The following RAB3C variants were observed in gnomAD, a reference collection of about 807,000 sequenced individuals.
RAB3C encodes the protein RAB3C, member RAS oncogene family.
A neutral mutation model predicts 26.4 loss-of-function variants in RAB3C; 17 were observed. The observed-to-expected ratio is 0.64, with a 90% CI of 0.44 to 0.97. The LOEUF (loss-of-function observed/expected upper bound fraction) is 0.97, where lower values mean the gene tolerates loss of function less well. Ranked by LOEUF, RAB3C falls within the 50% of genes least tolerant of loss-of-function variation. The probability of loss-of-function intolerance (pLI) is 0.00; values close to 1 mark genes in which losing one functional copy is unlikely to be tolerated. For synonymous variants in RAB3C, 91 were observed against 95.9 expected (o/e 0.95, Z 0.30); for missense variants, 242 against 281.9 (o/e 0.86, Z 1.01).
At chr5:58,849,003 G>A (rs1010629631) in intron 4 of RAB3C, among the ~76,000 whole-genome samples, 1 of 152,176 alleles carries the variant, frequency 6.6e-6, no homozygotes. Flanking sequence ...CTGAGATCAT[G>A]TTGGCTTCTG....
At chr5:58,648,455 A>T (rs991365932) in intron 2 of RAB3C, among the ~76,000 whole-genome samples, 1 of 152,212 alleles carries the variant, frequency 6.6e-6, no homozygotes, top group African/African-American at 2.4e-5. Flanking sequence ...GAGCTTCTCA[A>T]TATAAATGGA....
intron 3 of RAB3C, among the ~76,000 whole-genome samples, chr5:58,760,950 T>C (rs1293735871): frequency 1.3e-5 from 2 of 152,164 alleles, no homozygotes. Context: ...CACTTAAACA[T>C]TTTAATTTCC....
At position 58,816,252 on chromosome 5, in the gene RAB3C, G is replaced by C. The variant is rs552086727; in HGVS notation, c.372-8786G>C. Among the ~76,000 whole-genome samples the C allele has an allele frequency of 5.9e-5, 9 of 152,214 alleles. No homozygotes were observed. The South Asian group carries it at 1.9e-3, about 32-fold the overall frequency. On this transcript the variant is annotated intron_variant, in intron 3 of 4. Coordinates refer to ENST00000282878, the MANE Select transcript of RAB3C (RefSeq NM_138453.4). ...AATACCCATAGCAAGAGGGTAAGTGGGCTGTGAAAGGCAAGACAGCCAATA... is the reference window on the plus strand; with the variant it reads ...AATACCCATAGCAAGAGGGTAAGTGCGCTGTGAAAGGCAAGACAGCCAATA...
chr5:58,731,980 G>C (rs1009429880), intron 3 of RAB3C, among the ~76,000 whole-genome samples: 2 of 152,164 alleles, frequency 1.3e-5, no homozygotes, highest in Non-Finnish European at 2.9e-5. Flanking sequence ...GTTAGCAGAA[G>C]GAATGAACAA....
At chr5:58,620,648 C>T (rs528359263) in intron 2 of RAB3C, among the ~76,000 whole-genome samples, 7 of 152,320 alleles carry the variant, frequency 4.6e-5, no homozygotes, top group Non-Finnish European at 5.9e-5. Flanking sequence ...CCTGAGAAAT[C>T]TGCATGTAGG....
chr5:58,793,318 G>T (rs188597592), intron 3 of RAB3C, among the ~76,000 whole-genome samples: 7 of 152,238 alleles, frequency 4.6e-5, no homozygotes, highest in Admixed American at 3.9e-4. Flanking sequence ...CAGCACTTTG[G>T]GGGGCCGAGG....
intron 3 of RAB3C, among the ~76,000 whole-genome samples, chr5:58,782,297 T>A (rs1166862376): frequency 6.6e-6 from 1 of 152,154 alleles, no homozygotes; most frequent in Non-Finnish European, 1.5e-5. Context: ...TACATGCTTG[T>A]GTGTTACATG....
chr5:58,801,550 G>A (rs1742808447), intron 3 of RAB3C, among the ~76,000 whole-genome samples: 1 of 152,148 alleles, frequency 6.6e-6, no homozygotes, highest in African/African-American at 2.4e-5. Flanking sequence ...CTTTATCATT[G>A]GACTACAGCA....
At chr5:58,729,965 TA>T (rs11357252) in intron 3 of RAB3C, among the ~76,000 whole-genome samples, 2,392 of 148,994 alleles carry the variant, frequency 0.016, 70 homozygotes, top group African/African-American at 0.056. Context: ...ATATTTTGAA[TA>T]GATGATCTAA....
intron 2 of RAB3C, among the ~76,000 whole-genome samples, chr5:58,688,810 A>T (rs576109343): frequency 6.6e-6 from 1 of 152,276 alleles, no homozygotes; most frequent in African/African-American, 2.4e-5. Flanking sequence ...CTACTTAGAA[A>T]ATCAGTAGAA....
intron 3 of RAB3C, among the ~76,000 whole-genome samples, chr5:58,771,494 A>T (rs1742029910): frequency 6.6e-6 from 1 of 152,156 alleles, no homozygotes; most frequent in Non-Finnish European, 1.5e-5. Context: ...TAGGTTGCTT[A>T]AAAAACTCAC....
intron 2 of RAB3C, among the ~76,000 whole-genome samples, chr5:58,683,782 A>G (rs1392922722): frequency 6.6e-6 from 1 of 151,960 alleles, no homozygotes; most frequent in African/African-American, 2.4e-5. Context: ...TGCATACACT[A>G]CCCTCCTGTT....
At chr5:58,839,166 T>A (rs1743818868) in intron 4 of RAB3C, among the ~76,000 whole-genome samples, 1 of 152,108 alleles carries the variant, frequency 6.6e-6, no homozygotes, top group African/African-American at 2.4e-5. Flanking sequence ...ATTCAGCCTG[T>A]CTATGTCTTT....
In RAB3C at chr5:58,781,566, GA is replaced by G. The variant is rs35285748; in HGVS notation, c.372-43462del. ...AAGCATTAAGGCTTAATTCTTAGTT[GA>G]AAAAAAAAAGTAGGGTTGGGATGGA... On this transcript the variant is annotated intron_variant, in intron 3 of 4. Coordinates refer to ENST00000282878, the MANE Select transcript of RAB3C (RefSeq NM_138453.4). 9.1e-3 allele frequency among the ~76,000 whole-genome samples: 1,345 copies of G among 147,222 alleles called. 23 individuals are homozygous for G. The highest frequency in any genetic ancestry group is 0.032 in the African/African-American group (1,274 of 40,322).
At chr5:58,832,825 A>G (rs1743644449) in intron 4 of RAB3C, among the ~76,000 whole-genome samples, 1 of 152,182 alleles carries the variant, frequency 6.6e-6, no homozygotes, top group Non-Finnish European at 1.5e-5. Context: ...TATATCATGG[A>G]GAACCTTGTT....
intron 3 of RAB3C, among the ~76,000 whole-genome samples, chr5:58,792,153 C>T (rs1742537424): frequency 6.6e-6 from 1 of 152,126 alleles, no homozygotes; most frequent in Non-Finnish European, 1.5e-5. Context: ...CAAGCCATCT[C>T]CATTTTATCT....
chr5:58,700,360 A>T (rs1253863621), intron 2 of RAB3C, among the ~76,000 whole-genome samples: 2 of 152,208 alleles, frequency 1.3e-5, no homozygotes, highest in African/African-American at 4.8e-5. Flanking sequence ...ACGTTCTGTG[A>T]TGAGGGGGAT....
At chr5:58,822,723 A>ACATGGTACATGAACTGCAT (rs1743371122) in intron 3 of RAB3C, 8 of 475,726 alleles carry the variant, frequency 1.7e-5, no homozygotes, top group Admixed American at 1.3e-4. Context: ...GGGATACGGT[A>ACATGGTACATGAACTGCAT]GTCTGCGCAG....
chr5:58,845,264 G>A (rs1421178343), intron 4 of RAB3C, among the ~76,000 whole-genome samples: 1 of 152,062 alleles, frequency 6.6e-6, no homozygotes, highest in Admixed American at 6.5e-5. Context: ...TTTGCTCTAA[G>A]GACCTCCTGG....
Sources: gnomAD v4.1 joint callset for allele counts (sites outside exome capture counted in the v4.1 genomes callset) on GRCh38, gnomAD v4.1.1 for gene constraint, MANE v1.5 for transcripts, NCBI Gene and HGNC (gene_info 2026-07-23, HGNC 2026-07-21) for gene names.